Variants in LYPLAL1 observed in about 807,000 individuals in gnomAD.
LYPLAL1 encodes the protein lysophospholipase like 1.
A neutral mutation model predicts 19.7 loss-of-function variants in LYPLAL1; 23 were observed. The ratio of observed to expected loss-of-function variants is 1.17; its 90% CI spans 0.84 to 1.65. LYPLAL1 has a LOEUF of 1.65. LYPLAL1 is among the 40% of genes most tolerant of loss of function. The pLI, the probability that LYPLAL1 is intolerant of heterozygous loss-of-function variation, is 0.00. For synonymous variants in LYPLAL1, 119 were observed against 96.3 expected (o/e 1.24, Z -1.38); for missense variants, 355 against 279.4 (o/e 1.27, Z -1.93).
the LYPLAL1 span, among the ~76,000 whole-genome samples, chr1:219,264,739 A>G: frequency 6.6e-6 from 1 of 152,142 alleles, no homozygotes; most frequent in African/African-American, 2.4e-5. Context: ...TTTCCTTTGC[A>G]TTTTACAATG....
At chr1:219,416,021 TG>T in the LYPLAL1 span, among the ~76,000 whole-genome samples, 4 of 152,238 alleles carry the variant, frequency 2.6e-5, no homozygotes, top group East Asian at 7.7e-4. Flanking sequence ...AATAAAATTT[TG>T]AGGTAGTTTT....
chr1:219,384,750 A>C, the LYPLAL1 span, among the ~76,000 whole-genome samples: 1 of 152,252 alleles, frequency 6.6e-6, no homozygotes, highest in African/African-American at 2.4e-5. Flanking sequence ...ATTGTCATAA[A>C]ATATGTATGG....
the LYPLAL1 span, among the ~76,000 whole-genome samples, chr1:219,268,405 T>G: frequency 6.6e-6 from 1 of 152,280 alleles, no homozygotes; most frequent in East Asian, 1.9e-4. Flanking sequence ...TGCTAAGGCC[T>G]CTAAACATGT....
chr1:219,444,076 T>A, the LYPLAL1 span, among the ~76,000 whole-genome samples: 4 of 152,178 alleles, frequency 2.6e-5, no homozygotes, highest in African/African-American at 9.7e-5. Context: ...TCCATTTTTT[T>A]TTTCTCATCA....
chr1:219,242,078 G>T, the LYPLAL1 span, among the ~76,000 whole-genome samples: 2 of 152,166 alleles, frequency 1.3e-5, no homozygotes, highest in Admixed American at 1.3e-4. Context: ...TTGGTTAAAG[G>T]TAGTTTTAAA....
At chr1:219,245,193 CTT>C in the LYPLAL1 span, among the ~76,000 whole-genome samples, 1 of 80,366 alleles carries the variant, frequency 1.2e-5, no homozygotes, top group Non-Finnish European at 2.6e-5. Context: ...TCCTTCCTTC[CTT>C]CCTTCCTTCC....
the LYPLAL1 span, among the ~76,000 whole-genome samples, chr1:219,417,840 C>A: frequency 2.9e-4 from 44 of 152,242 alleles, no homozygotes; most frequent in Non-Finnish European, 6.2e-4. Flanking sequence ...TCCCTCTGGG[C>A]CTTGCCCTGC....
chr1:219,198,533 T>C (rs1416216813), intron 3 of LYPLAL1: 1 of 152,114 alleles, frequency 6.6e-6, no homozygotes, highest in East Asian at 1.9e-4. Context: ...TTATTAAACA[T>C]TTATGAAAAT....
the LYPLAL1 span, among the ~76,000 whole-genome samples, chr1:219,338,680 T>C: frequency 6.6e-6 from 1 of 151,860 alleles, no homozygotes; most frequent in Non-Finnish European, 1.5e-5. Context: ...ATGTTAAAGG[T>C]AGACCTAACA....
At chr1:219,251,623 T>C in the LYPLAL1 span, among the ~76,000 whole-genome samples, 1 of 152,056 alleles carries the variant, frequency 6.6e-6, no homozygotes, top group Non-Finnish European at 1.5e-5. Context: ...CTCTATTCTG[T>C]TTCATTGGCC....
At position 219,210,287 on chromosome 1, in the gene LYPLAL1, T is replaced by C. The variant is rs544108508; in HGVS notation, c.362-245T>C. The stretch of plus-strand genomic sequence containing the variant: ...CGATAGATATTTTACTTGGTGAACA[T>C]GATATATTTGTTTAATCCTGGCTCC... On this transcript the variant is annotated intron_variant, in intron 3 of 4. Transcript: ENST00000366928. 3 of 238,986 alleles carry C rather than the reference T, an allele frequency of 1.3e-5. No individual in the cohort carries two copies. In the East Asian group the frequency reaches 2.4e-4, roughly 19 times the overall value. The allele number at this position is 238,986 out of a possible 1,614,324, so 14.8% of individuals were successfully genotyped here.
chr1:219,356,497 C>T, the LYPLAL1 span, among the ~76,000 whole-genome samples: 1 of 152,112 alleles, frequency 6.6e-6, no homozygotes, highest in African/African-American at 2.4e-5. Flanking sequence ...GATATGCCGT[C>T]TCAACAACAA....
At chr1:219,324,604 A>T in the LYPLAL1 span, among the ~76,000 whole-genome samples, 1 of 152,182 alleles carries the variant, frequency 6.6e-6, no homozygotes, top group Admixed American at 6.5e-5. Flanking sequence ...TAGTGTTAGG[A>T]TTAAGGAAGG....
At chr1:219,245,471 G>A in the LYPLAL1 span, among the ~76,000 whole-genome samples, 1 of 152,144 alleles carries the variant, frequency 6.6e-6, no homozygotes, top group Non-Finnish European at 1.5e-5. Context: ...CTCAACACAG[G>A]CATTGAAATA....
chr1:219,203,641 T>C (rs1658301578), intron 3 of LYPLAL1, among the ~76,000 whole-genome samples: 1 of 152,152 alleles, frequency 6.6e-6, no homozygotes, highest in Non-Finnish European at 1.5e-5. Flanking sequence ...GACAGAAACA[T>C]GTTCATGAAA....
intron 1 of LYPLAL1, among the ~76,000 whole-genome samples, chr1:219,177,243 C>A (rs1226718940): frequency 6.6e-6 from 1 of 152,268 alleles, no homozygotes; most frequent in East Asian, 1.9e-4. Context: ...CAAGAGGGTA[C>A]TGGCATCCAG....
chr1:219,403,382 G>C, the LYPLAL1 span, among the ~76,000 whole-genome samples: 2 of 152,170 alleles, frequency 1.3e-5, no homozygotes, highest in African/African-American at 4.8e-5. Flanking sequence ...GAAAACCCTG[G>C]GGGGCTGACC....
chr1:219,233,515 C>T, the LYPLAL1 span, among the ~76,000 whole-genome samples: 1 of 152,122 alleles, frequency 6.6e-6, no homozygotes, highest in Non-Finnish European at 1.5e-5. Flanking sequence ...CGCCTGTAAT[C>T]CCAGAACTTT....
At chr1:219,256,443 TTC>T in the LYPLAL1 span, among the ~76,000 whole-genome samples, 17 of 44,308 alleles carry the variant, frequency 3.8e-4, no homozygotes, top group African/African-American at 9.8e-4. Flanking sequence ...TCTCTTTCTT[TTC>T]TTTCTCCCTT....
Sources: gnomAD v4.1 joint callset for allele counts (sites outside exome capture counted in the v4.1 genomes callset) on GRCh38, gnomAD v4.1.1 for gene constraint, MANE v1.5 for transcripts, NCBI Gene and HGNC (gene_info 2026-07-23, HGNC 2026-07-21) for gene names.